UBTD1: variants seen among roughly 807,000 people sequenced by gnomAD.
UBTD1 encodes the protein ubiquitin domain-containing protein 1.
In UBTD1, 19 loss-of-function variants were observed where a neutral mutation model predicts 21.7. That is an observed-to-expected ratio of 0.87 (90% CI 0.61 to 1.28). The LOEUF (loss-of-function observed/expected upper bound fraction) is 1.28, where lower values mean the gene tolerates loss of function less well. Among genes scored for constraint, UBTD1 ranks in the 50% most tolerant of loss-of-function variants. UBTD1 has a pLI of 0.00. For missense variants in UBTD1, 282 were observed against 315.1 expected, an observed-to-expected ratio of 0.89 and a Z score of 0.80; for synonymous variants, 116 against 135.1, an observed-to-expected ratio of 0.86 and a Z score of 0.98.
intron 1 of UBTD1, among the ~76,000 whole-genome samples, chr10:97,554,134 A>G (rs1192913543): frequency 6.6e-6 from 1 of 152,196 alleles, no homozygotes; most frequent in African/African-American, 2.4e-5. Flanking sequence ...TCAAGAGAAA[A>G]TGAGATGCAT....
chr10:97,507,408 A>T (rs1455954583), intron 1 of UBTD1, among the ~76,000 whole-genome samples: 1 of 151,702 alleles, frequency 6.6e-6, no homozygotes, highest in East Asian at 1.9e-4. Flanking sequence ...AGACCAAGGC[A>T]GGAGGATTGC....
chr10:97,536,926 G>C (rs2040565124), intron 1 of UBTD1, among the ~76,000 whole-genome samples: 1 of 152,088 alleles, frequency 6.6e-6, no homozygotes, highest in South Asian at 2.1e-4. Context: ...CTGTGAGGGA[G>C]AGACCAGGGC....
chr10:97,534,143 T>C (rs188496210), intron 1 of UBTD1, among the ~76,000 whole-genome samples: 6 of 152,304 alleles, frequency 3.9e-5, no homozygotes, highest in African/African-American at 1.2e-4. Flanking sequence ...TTCCACTGGT[T>C]TCTGCCTTTC....
chr10:97,569,183 G>C (rs2040732962), intron 2 of UBTD1, among the ~76,000 whole-genome samples: 1 of 152,242 alleles, frequency 6.6e-6, no homozygotes, highest in Non-Finnish European at 1.5e-5. Context: ...TTAGCAAGGA[G>C]CTTCTCGAAT....
chr10:97,539,589 C>T (rs1336855085), intron 1 of UBTD1, among the ~76,000 whole-genome samples: 1 of 149,596 alleles, frequency 6.7e-6, no homozygotes, highest in Non-Finnish European at 1.5e-5. Context: ...AGAGAGGCCC[C>T]ATTTCAAAAA....
rs893593456 is a variant in UBTD1, at chr10:97,562,141, C to T, written c.71-5773C>T. 2.6e-5 allele frequency among the ~76,000 whole-genome samples: 4 copies of T among 152,120 alleles called. No individual in the cohort carries two copies. In the South Asian group the frequency reaches 6.2e-4, roughly 24 times the overall value. On this transcript the variant is annotated intron_variant, in intron 1 of 2. Coordinates refer to ENST00000370664, the MANE Select transcript of UBTD1 (RefSeq NM_024954.5). Reference sequence around the variant, plus strand: ...AAAACGGTCCAGGCGTGGTGGCTCACGTCTGTAATCCTAGCACTTTGGGAG... The same window carrying T: ...AAAACGGTCCAGGCGTGGTGGCTCATGTCTGTAATCCTAGCACTTTGGGAG...
chr10:97,522,279 C>T (rs944258190), intron 1 of UBTD1, among the ~76,000 whole-genome samples: 3 of 152,254 alleles, frequency 2.0e-5, no homozygotes, highest in Non-Finnish European at 2.9e-5. Context: ...AGCTTTTGAA[C>T]GCACTGAATG....
At chr10:97,521,410 G>T (rs1437944948) in intron 1 of UBTD1, among the ~76,000 whole-genome samples, 1 of 152,208 alleles carries the variant, frequency 6.6e-6, no homozygotes, top group African/African-American at 2.4e-5. Context: ...TCCCAAAGGA[G>T]AGTGGTCTGA....
At position 97,570,174 on chromosome 10, in the gene UBTD1, G is replaced by T. The variant is rs746676649; in HGVS notation, c.335G>T (p.Arg112Leu). 2 of 1,612,214 alleles carry T rather than the reference G, an allele frequency of 1.2e-6. No individual in the cohort carries two copies. Among genetic ancestry groups the T allele is most frequent in the East Asian group, 2.2e-5 (1 of 44,834 alleles). ...LCECYDELGNRYQLPIYCLSP... is the reference protein window; with the variant it reads ...LCECYDELGNLYQLPIYCLSP... ...GAATGCTACGATGAGCTGGGCAATC[G>T]CTACCAGCTGCCCATCTACTGCCTG... The change falls in exon 3 of 3, where the codon CGC becomes CTC. Residue 112 changes from arginine (R) to leucine (L), a missense_variant. Transcript: ENST00000370664. This position sits in a 1 kb window ranked among gnomAD's most constrained non-coding sequence, Gnocchi z 6.6.
chr10:97,516,291 A>T (rs1167926054), intron 1 of UBTD1, among the ~76,000 whole-genome samples: 1 of 152,142 alleles, frequency 6.6e-6, no homozygotes, highest in African/African-American at 2.4e-5. Flanking sequence ...CTTTTGTCTG[A>T]GCATCTGCTC....
intron 1 of UBTD1, among the ~76,000 whole-genome samples, chr10:97,499,932 G>T (rs894993888): frequency 6.6e-6 from 1 of 152,128 alleles, no homozygotes; most frequent in Non-Finnish European, 1.5e-5. Flanking sequence ...CTCCAGGCCC[G>T]CGCAACGCTT....
chr10:97,534,703 G>A (rs892266225), intron 1 of UBTD1, among the ~76,000 whole-genome samples: 4 of 152,010 alleles, frequency 2.6e-5, no homozygotes, highest in Admixed American at 6.6e-5. Flanking sequence ...TAGAAAAGGT[G>A]GTGTGTGTTC....
At chr10:97,541,749 T>TTTTG (rs1288374312) in intron 1 of UBTD1, among the ~76,000 whole-genome samples, 1 of 150,378 alleles carries the variant, frequency 6.6e-6, no homozygotes, top group Non-Finnish European at 1.5e-5. Context: ...TTTTTTTTTT[T>TTTTG]TTGAGATGCA....
At chr10:97,556,336 T>C (rs2040664040) in intron 1 of UBTD1, among the ~76,000 whole-genome samples, 2 of 152,168 alleles carry the variant, frequency 1.3e-5, no homozygotes, top group Admixed American at 1.3e-4. Flanking sequence ...ATTAGTAAGG[T>C]TAAATTTTTC....
intron 1 of UBTD1, among the ~76,000 whole-genome samples, chr10:97,538,237 A>G (rs2040572395): frequency 6.6e-6 from 1 of 152,098 alleles, no homozygotes; most frequent in African/African-American, 2.4e-5. Flanking sequence ...CGCACCTGTA[A>G]TCTCTGTACT....
At chr10:97,500,133 A>C (rs1421007951) in intron 1 of UBTD1, among the ~76,000 whole-genome samples, 1 of 152,222 alleles carries the variant, frequency 6.6e-6, no homozygotes, top group Non-Finnish European at 1.5e-5. Flanking sequence ...ACTCTGTGTC[A>C]AAGCCCAGAT....
chr10:97,518,589 GT>G (rs1297754994), intron 1 of UBTD1, among the ~76,000 whole-genome samples: 1 of 152,190 alleles, frequency 6.6e-6, no homozygotes, highest in Admixed American at 6.5e-5. Context: ...GCCAGATTTT[GT>G]CTTCTCCTGC....
chr10:97,546,117 A>G (rs2040609620), intron 1 of UBTD1, among the ~76,000 whole-genome samples: 1 of 152,156 alleles, frequency 6.6e-6, no homozygotes, highest in South Asian at 2.1e-4. Flanking sequence ...GCTTCATCCA[A>G]CAGTGGAATA....
intron 1 of UBTD1, among the ~76,000 whole-genome samples, chr10:97,539,712 G>C (rs562778551): frequency 6.6e-6 from 1 of 152,284 alleles, no homozygotes; most frequent in South Asian, 2.1e-4. Flanking sequence ...GGGACGGCCT[G>C]CATGGAGGGA....
Sources: gnomAD v4.1 joint callset for allele counts (sites outside exome capture counted in the v4.1 genomes callset) on GRCh38, gnomAD v4.1.1 for gene constraint, Gnocchi (gnomAD v3.1) non-coding constraint, MANE v1.5 for transcripts, NCBI Gene and HGNC (gene_info 2026-07-23, HGNC 2026-07-21) for gene names.